TULP4: variants seen among roughly 807,000 people sequenced by gnomAD.
The protein encoded by TULP4 is tubby-related protein 4.
In TULP4, 16 loss-of-function variants were observed where a neutral mutation model predicts 129.0. That is an observed-to-expected ratio of 0.12 (90% CI 0.08 to 0.19). The LOEUF is 0.19. Among genes scored for constraint, TULP4 ranks in the 10% least tolerant of loss-of-function variants. TULP4 has a pLI of 1.00. For missense variants in TULP4, 1,842 were observed against 2,059.1 expected (o/e 0.89, Z 2.04); for synonymous variants, 998 against 854.0 (o/e 1.17, Z -2.94).
intron 5 of TULP4, among the ~76,000 whole-genome samples, chr6:158,457,924 G>T (rs576405632): frequency 1.4e-3 from 170 of 120,810 alleles, no homozygotes; most frequent in African/African-American, 5.9e-3. Flanking sequence ...ACTTCTTAAA[G>T]GAAAAAAAAA....
rs1007854517 is a variant in TULP4, at chr6:158,481,188, T to G, written c.1385T>G (p.Leu462Arg). Residue 462 changes from leucine to arginine, a missense_variant, in exon 8 of 14, where the codon CTG (leucine) becomes CGG (arginine). By Grantham distance (102) the Leu-to-Arg change is moderately radical. Transcript: ENST00000367097. ...EVGGPCYTLYLEYLGGLVPIL... is the reference protein window; with the variant it reads ...EVGGPCYTLYREYLGGLVPIL... ...GGCGGCCCGTGCTACACGCTCTACC[T>G]GGAGTACCTGGGCGGGCTTGTGCCC... 2 of 1,614,108 alleles carry G rather than the reference T, an allele frequency of 1.2e-6. No individual in the cohort carries two copies. The highest frequency in any genetic ancestry group is 1.7e-6 in the Non-Finnish European group (2 of 1,180,042).
At chr6:158,427,470 CCTTTTTTTTTT>C (rs1778523574) in intron 2 of TULP4, among the ~76,000 whole-genome samples, 1 of 100,678 alleles carries the variant, frequency 9.9e-6, no homozygotes, top group African/African-American at 4.5e-5. Context: ...AATTATCAGA[CCTTTTTTTTTT>C]TTTTTTTTTT....
At chr6:158,243,295 C>T (rs904527911) in intron 1 of TULP4, among the ~76,000 whole-genome samples, 6 of 152,064 alleles carry the variant, frequency 3.9e-5, no homozygotes, top group African/African-American at 1.4e-4. Flanking sequence ...AAGAAAAAGA[C>T]CCCTTAAAAT....
chr6:158,481,926 T>G (rs1779956128), intron 8 of TULP4, among the ~76,000 whole-genome samples: 2 of 152,328 alleles, frequency 1.3e-5, no homozygotes, highest in East Asian at 3.9e-4. Context: ...TTTGTTCTTT[T>G]TTTGTGCCAC....
At chr6:158,251,699 T>A (rs1463328522) in intron 1 of TULP4, among the ~76,000 whole-genome samples, 2 of 152,236 alleles carry the variant, frequency 1.3e-5, no homozygotes, top group African/African-American at 4.8e-5. Context: ...GGAAAATGAC[T>A]GCTCGCATGC....
chr6:158,340,236 A>G (rs1470108800), intron 1 of TULP4, among the ~76,000 whole-genome samples: 1 of 152,242 alleles, frequency 6.6e-6, no homozygotes, highest in Non-Finnish European at 1.5e-5. Flanking sequence ...GAATTGTTTT[A>G]TAACTAATTA....
intron 1 of TULP4, among the ~76,000 whole-genome samples, chr6:158,354,710 T>C (rs1206188761): frequency 6.6e-6 from 1 of 151,976 alleles, no homozygotes. Context: ...CTGGGCAACG[T>C]AGCAAGACCC....
intron 9 of TULP4, among the ~76,000 whole-genome samples, chr6:158,492,412 A>G (rs1219670977): frequency 6.6e-6 from 1 of 152,226 alleles, no homozygotes; most frequent in Non-Finnish European, 1.5e-5. Flanking sequence ...GCAGATATCC[A>G]GTTACTCTAG....
intron 6 of TULP4, among the ~76,000 whole-genome samples, chr6:158,465,557 G>A (rs777763670): frequency 1.3e-5 from 2 of 152,124 alleles, no homozygotes; most frequent in Non-Finnish European, 2.9e-5. Flanking sequence ...TTTTAATTTT[G>A]TGAGGAACTG....
chr6:158,324,492 C>T (rs775677917), intron 1 of TULP4, among the ~76,000 whole-genome samples: 6 of 152,162 alleles, frequency 3.9e-5, no homozygotes, highest in African/African-American at 1.2e-4. Flanking sequence ...GTTCCGTAAA[C>T]ATTTGAGAGC....
chr6:158,503,676 G>A lies in TULP4; in HGVS notation c.4013G>A (p.Arg1338Gln), dbSNP rs375853714. The A allele has an allele frequency of 7.1e-5, 114 of 1,613,868 alleles. No homozygotes were observed. Among genetic ancestry groups the A allele is most frequent in the African/African-American group, 4.3e-4 (32 of 74,878 alleles). Residue 1338 changes from arginine to glutamine, a missense_variant, in exon 13 of 14, where the codon CGG (arginine) becomes CAG (glutamine). Around this residue, in one of 5 missense-constraint regions of TULP4, gnomAD observed 1,089 missense variants for 987.1 expected, o/e 1.10. Transcript: ENST00000367097. The surrounding 1 kb of genome is among the most constrained non-coding windows in gnomAD (Gnocchi z 4.3). ...QRTEKFGKKN[R>Q]KRLDSRAEEG... ...ACAGAAAAATTTGGAAAGAAGAACC[G>A]GAAGCGCCTGGACAGCCGAGCAGAA...
intron 1 of TULP4, among the ~76,000 whole-genome samples, chr6:158,255,874 G>C (rs1041676197): frequency 8.5e-5 from 13 of 152,214 alleles, no homozygotes; most frequent in African/African-American, 3.1e-4. Flanking sequence ...AGGGTATAAA[G>C]GCAGAATTGA....
intron 1 of TULP4, among the ~76,000 whole-genome samples, chr6:158,305,087 A>AC (rs1779194071): frequency 6.6e-6 from 1 of 152,104 alleles, no homozygotes; most frequent in Non-Finnish European, 1.5e-5. Flanking sequence ...TACCCATTAA[A>AC]CACTAACTCT....
chr6:158,301,015 G>A (rs893652181), intron 1 of TULP4, among the ~76,000 whole-genome samples: 2 of 152,248 alleles, frequency 1.3e-5, no homozygotes, highest in African/African-American at 2.4e-5. Flanking sequence ...AGAGTGGTAT[G>A]AGATCTAATA....
In TULP4 at chr6:158,503,784, G is replaced by A. The variant is rs1448787904; in HGVS notation, c.4121G>A (p.Ser1374Asn). ...TLSDFNSLIS[S>N]PHLGREKKKV... ...AGTGACTTTAATTCCCTAATCTCCAGCCCACACCTGGGGAGAGAGAAGAAG... is the reference window on the plus strand; with the variant it reads ...AGTGACTTTAATTCCCTAATCTCCAACCCACACCTGGGGAGAGAGAAGAAG... The change falls in exon 13 of 14, where the codon AGC becomes AAC. Residue 1374 changes from serine (S) to asparagine (N), a missense_variant. This residue lies in a region of TULP4 where 1,089 missense variants were observed against 987.1 expected (regional missense o/e 1.10). Coordinates refer to ENST00000367097, the MANE Select transcript of TULP4 (RefSeq NM_020245.5). The surrounding 1 kb of genome is among the most constrained non-coding windows in gnomAD (Gnocchi z 4.3). 1 of 1,614,128 alleles carries A rather than the reference G, an allele frequency of 6.2e-7. No homozygotes were observed. Among genetic ancestry groups the A allele is most frequent in the African/African-American group, 1.3e-5 (1 of 75,056 alleles).
chr6:158,365,635 C>A (rs1005328359), intron 1 of TULP4, among the ~76,000 whole-genome samples: 4 of 151,360 alleles, frequency 2.6e-5, no homozygotes, highest in Non-Finnish European at 5.9e-5. Context: ...CGCCACCATG[C>A]CCAGCTAATT....
At chr6:158,494,011 TGCCCCCTCACC>T (rs1471463045) in intron 10 of TULP4, among the ~76,000 whole-genome samples, 6 of 152,300 alleles carry the variant, frequency 3.9e-5, no homozygotes, top group Admixed American at 2.0e-4. Context: ...GGTCCCTCAG[TGCCCCCTCACC>T]CTCCGGGTGC....
chr6:158,362,156 G>T (rs1780805910), intron 1 of TULP4, among the ~76,000 whole-genome samples: 1 of 152,112 alleles, frequency 6.6e-6, no homozygotes, highest in Non-Finnish European at 1.5e-5. Context: ...CTTGCCCAGG[G>T]ATATGAACCC....
At chr6:158,491,390 G>GTTCGTTCTTTCT (rs1780194190) in intron 9 of TULP4, among the ~76,000 whole-genome samples, 4 of 146,768 alleles carry the variant, frequency 2.7e-5, no homozygotes, top group Non-Finnish European at 6.0e-5. Flanking sequence ...AGTTATAAGA[G>GTTCGTTCTTTCT]TTCTTTCTTT....
Sources: gnomAD v4.1 joint callset for allele counts (sites outside exome capture counted in the v4.1 genomes callset) on GRCh38, gnomAD v4.1.1 for gene constraint, gnomAD v4.1.1 regional missense constraint, Gnocchi (gnomAD v3.1) non-coding constraint, MANE v1.5 for transcripts, NCBI Gene and HGNC (gene_info 2026-07-23, HGNC 2026-07-21) for gene names.